IL1RAPL2: variants seen among roughly 807,000 people sequenced by gnomAD.
IL1RAPL2 encodes X-linked interleukin-1 receptor accessory protein-like 2.
In IL1RAPL2, 3 loss-of-function variants were observed where a neutral mutation model predicts 44.1. The observed-to-expected ratio is 0.07, with a 90% confidence interval of 0.03 to 0.18. The LOEUF (loss-of-function observed/expected upper bound fraction) is 0.18. Among genes scored for constraint, IL1RAPL2 ranks in the 10% least tolerant of loss-of-function variants. The pLI is 1.00. For synonymous variants in IL1RAPL2, 181 were observed against 178.8 expected, an observed-to-expected ratio of 1.01 and a Z score of -0.10; for missense variants, 391 against 496.4, an observed-to-expected ratio of 0.79 and a Z score of 2.02.
intron 5 of IL1RAPL2, among the ~76,000 whole-genome samples, chrX:105,336,396 A>G (rs969256481): frequency 8.9e-6 from 1 of 112,501 alleles, no homozygotes; most frequent in African/African-American, 3.2e-5. Flanking sequence ...TCATGCATTC[A>G]ATAAAACTTT....
intron 1 of IL1RAPL2, among the ~76,000 whole-genome samples, chrX:104,635,787 A>T (rs1326616138): frequency 1.8e-5 from 2 of 110,880 alleles, no homozygotes; most frequent in Non-Finnish European, 3.8e-5. Flanking sequence ...CATGGGTTCG[A>T]ACTTCCTCCT....
intron 6 of IL1RAPL2, among the ~76,000 whole-genome samples, chrX:105,530,735 AC>A (rs1224757666): frequency 4.8e-5 from 2 of 41,421 alleles, no homozygotes; most frequent in East Asian, 2.0e-3. Flanking sequence ...CCCCCACCCC[AC>A]TACCCTTCCC....
intron 4 of IL1RAPL2, among the ~76,000 whole-genome samples, chrX:105,260,815 G>A (rs1569414749): frequency 8.9e-6 from 1 of 112,441 alleles, no homozygotes. Context: ...GATTCCCCCT[G>A]CCCCCGGCCC....
chrX:104,688,646 C>A (rs1227193222), intron 2 of IL1RAPL2, among the ~76,000 whole-genome samples: 1 of 111,567 alleles, frequency 9.0e-6, no homozygotes, highest in Admixed American at 9.6e-5. Flanking sequence ...TTTCATATAA[C>A]CTCTTCCTAC....
At chrX:105,230,349 C>A (rs1321757656) in intron 3 of IL1RAPL2, among the ~76,000 whole-genome samples, 2 of 110,341 alleles carry the variant, frequency 1.8e-5, no homozygotes, top group Admixed American at 2.0e-4. Context: ...CACTTCTAAC[C>A]CAGCAGACTG....
rs141932945 is a variant in IL1RAPL2, at chrX:105,617,005, A to G, written c.773-100362A>G. On this transcript the variant is annotated intron_variant, in intron 6 of 10. Coordinates refer to ENST00000372582, the MANE Select transcript of IL1RAPL2 (RefSeq NM_017416.2). Reference sequence around the variant, plus strand: ...CATCTTTGTTTCTCAGTTTCCCCATACATAAAATGGGGATAATTTTATTAC... The same window carrying G: ...CATCTTTGTTTCTCAGTTTCCCCATGCATAAAATGGGGATAATTTTATTAC... Among the ~76,000 whole-genome samples the G allele has an allele frequency of 3.6e-3, 399 of 110,308 alleles. 4 individuals are homozygous for G. The highest frequency in any genetic ancestry group is 0.012 in the African/African-American group (367 of 30,342).
chrX:105,003,290 A>G (rs1407214968), intron 2 of IL1RAPL2, among the ~76,000 whole-genome samples: 2 of 111,505 alleles, frequency 1.8e-5, no homozygotes, highest in Admixed American at 9.6e-5. Flanking sequence ...TCAATGAGCT[A>G]TCATAGAATT....
At chrX:105,220,649 C>G (rs1000334651) in intron 3 of IL1RAPL2, 33 of 299,948 alleles carry the variant, frequency 1.1e-4, no homozygotes, top group Non-Finnish European at 5.2e-5. Flanking sequence ...TTAACACGCC[C>G]GAAGAGAGAG....
intron 2 of IL1RAPL2, among the ~76,000 whole-genome samples, chrX:104,995,112 GT>G (rs1335988141): frequency 9.0e-6 from 1 of 111,260 alleles, no homozygotes; most frequent in Non-Finnish European, 1.9e-5. Context: ...ATCACACTCT[GT>G]CCTCTTACCA....
At chrX:104,939,050 C>CTTT (rs60881835) in intron 2 of IL1RAPL2, among the ~76,000 whole-genome samples, 72 of 81,431 alleles carry the variant, frequency 8.8e-4, no homozygotes, top group African/African-American at 2.7e-3. Context: ...TGCATGCTAG[C>CTTT]TTTTTTTTTT....
intron 6 of IL1RAPL2, among the ~76,000 whole-genome samples, chrX:105,506,909 C>A (rs892956755): frequency 8.9e-6 from 1 of 111,817 alleles, no homozygotes; most frequent in Non-Finnish European, 1.9e-5. Flanking sequence ...ACAGTAATCC[C>A]AAATCAGCTA....
At chrX:104,847,559 T>C (rs1922089503) in intron 2 of IL1RAPL2, among the ~76,000 whole-genome samples, 1 of 111,866 alleles carries the variant, frequency 8.9e-6, no homozygotes. Flanking sequence ...TATATCTCTG[T>C]TTTGGTACCA....
At chrX:105,717,128 A>G (rs1377932056) in intron 6 of IL1RAPL2, among the ~76,000 whole-genome samples, 1 of 111,754 alleles carries the variant, frequency 8.9e-6, no homozygotes, top group East Asian at 2.9e-4. Flanking sequence ...TCAAAAACAA[A>G]CAAACAGAAA....
intron 6 of IL1RAPL2, among the ~76,000 whole-genome samples, chrX:105,618,269 A>G (rs905627975): frequency 9.1e-6 from 1 of 109,731 alleles, no homozygotes; most frequent in Non-Finnish European, 1.9e-5. Flanking sequence ...ACACTGGGGT[A>G]TATTGCAGGG....
chrX:104,911,831 C>G (rs1924247846), intron 2 of IL1RAPL2, among the ~76,000 whole-genome samples: 1 of 111,714 alleles, frequency 9.0e-6, no homozygotes, highest in South Asian at 3.7e-4. Flanking sequence ...TTGAAGAGAC[C>G]AAGCTTGTTG....
chrX:105,462,825 T>C (rs1013365018), intron 5 of IL1RAPL2, among the ~76,000 whole-genome samples: 4 of 110,973 alleles, frequency 3.6e-5, no homozygotes, highest in Non-Finnish European at 7.6e-5. Flanking sequence ...TAAATTCTTC[T>C]TCCCCAGCAC....
At chrX:104,704,159 G>A (rs768915609) in intron 2 of IL1RAPL2, among the ~76,000 whole-genome samples, 10 of 111,921 alleles carry the variant, frequency 8.9e-5, no homozygotes, top group African/African-American at 2.6e-4. Context: ...ATCAGACTGC[G>A]TGTTTTCTCT....
At chrX:105,186,230 T>A (rs782118888) in intron 2 of IL1RAPL2, among the ~76,000 whole-genome samples, 6 of 110,605 alleles carry the variant, frequency 5.4e-5, no homozygotes, top group African/African-American at 2.0e-4. Flanking sequence ...CAGTAAGACC[T>A]CCTAAGTTTC....
intron 2 of IL1RAPL2, among the ~76,000 whole-genome samples, chrX:105,076,731 A>G (rs2032310551): frequency 1.8e-5 from 2 of 111,616 alleles, no homozygotes; most frequent in African/African-American, 6.5e-5. Context: ...GTGCTCCAGT[A>G]TTGGGTGCAT....
Sources: gnomAD v4.1 joint callset for allele counts (sites outside exome capture counted in the v4.1 genomes callset) on GRCh38, gnomAD v4.1.1 for gene constraint, MANE v1.5 for transcripts, NCBI Gene and HGNC (gene_info 2026-07-23, HGNC 2026-07-21) for gene names.